Variants in KIF26B observed in about 807,000 individuals in gnomAD.
KIF26B encodes kinesin-like protein KIF26B.
A neutral mutation model predicts 151.2 loss-of-function variants in KIF26B; 63 were observed. That is an observed-to-expected ratio of 0.42 (90% CI 0.34 to 0.51). The LOEUF (loss-of-function observed/expected upper bound fraction) is 0.51, where lower values mean the gene tolerates loss of function less well. Among genes scored for constraint, KIF26B ranks in the 20% least tolerant of loss-of-function variants. The pLI is 0.07. For missense variants in KIF26B, 2,813 were observed against 2,913.6 expected (o/e 0.97, Z 0.79); for synonymous variants, 1,357 against 1,262.1 (o/e 1.08, Z -1.59).
intron 3 of KIF26B, among the ~76,000 whole-genome samples, chr1:245,407,349 C>T (rs868237214): frequency 5.9e-5 from 9 of 152,254 alleles, no homozygotes; most frequent in Middle Eastern, 3.4e-3. Flanking sequence ...CTGTGGCTGT[C>T]GCATCTCACA....
intron 12 of KIF26B, among the ~76,000 whole-genome samples, chr1:245,694,222 A>T (rs1464034807): frequency 1.3e-5 from 2 of 152,246 alleles, no homozygotes; most frequent in African/African-American, 4.8e-5. Flanking sequence ...CACAGCCAGC[A>T]TCGTTCTTCA....
At chr1:245,332,593 C>T (rs1403769190) in intron 2 of KIF26B, among the ~76,000 whole-genome samples, 2 of 152,170 alleles carry the variant, frequency 1.3e-5, no homozygotes, top group Admixed American at 1.3e-4. Context: ...CCCCCCACCA[C>T]TTACTCCCAC....
At chr1:245,347,147 C>T (rs1056093864) in intron 2 of KIF26B, among the ~76,000 whole-genome samples, 2 of 152,130 alleles carry the variant, frequency 1.3e-5, no homozygotes, top group African/African-American at 4.8e-5. Context: ...GGCTCGAGCA[C>T]CCTCTGGCAG....
chr1:245,435,951 G>A (rs1658919774), intron 4 of KIF26B, among the ~76,000 whole-genome samples: 1 of 152,238 alleles, frequency 6.6e-6, no homozygotes, highest in South Asian at 2.1e-4. Context: ...GGCCAAGGTG[G>A]GTGGATCACG....
At chr1:245,364,141 C>T (rs1672884591) in intron 2 of KIF26B, among the ~76,000 whole-genome samples, 1 of 152,174 alleles carries the variant, frequency 6.6e-6, no homozygotes, top group Non-Finnish European at 1.5e-5. Context: ...GACCCCCAGC[C>T]TGGGGCAACA....
intron 3 of KIF26B, among the ~76,000 whole-genome samples, chr1:245,414,309 C>G (rs944192724): frequency 6.6e-6 from 1 of 152,124 alleles, no homozygotes. Context: ...AATTCCAAAG[C>G]CAAGAGGAAA....
chr1:245,435,201 G>A (rs1464469576), intron 4 of KIF26B, among the ~76,000 whole-genome samples: 1 of 151,874 alleles, frequency 6.6e-6, no homozygotes, highest in African/African-American at 2.4e-5. Flanking sequence ...CAAGCATTTG[G>A]TAAGCTCATG....
intron 9 of KIF26B, among the ~76,000 whole-genome samples, chr1:245,644,493 A>G (rs550117435): frequency 6.6e-6 from 1 of 152,152 alleles, no homozygotes; most frequent in Non-Finnish European, 1.5e-5. Flanking sequence ...TATGGGTTTC[A>G]TTTTCCCGAG....
At chr1:245,518,181 AT>A (rs1661012776) in intron 4 of KIF26B, among the ~76,000 whole-genome samples, 1 of 152,110 alleles carries the variant, frequency 6.6e-6, no homozygotes, top group Non-Finnish European at 1.5e-5. Context: ...GTGTCATGTA[AT>A]TTTATTCATA....
chr1:245,175,904 ATATATC>A (rs151223228), intron 2 of KIF26B, among the ~76,000 whole-genome samples: 4,750 of 149,522 alleles, frequency 0.032, 251 homozygotes, highest in African/African-American at 0.11. Context: ...CTCAAAACAT[ATATATC>A]TATATCTATA....
intron 2 of KIF26B, among the ~76,000 whole-genome samples, chr1:245,276,385 C>G (rs942760018): frequency 6.6e-6 from 1 of 152,132 alleles, no homozygotes; most frequent in Non-Finnish European, 1.5e-5. Flanking sequence ...TGCTCCAACT[C>G]TTTTCCTCCC....
chr1:245,156,199 T>G, intron 1 of KIF26B, 83 bp from the exon 2 acceptor site: 1 of 1,485,614 alleles, frequency 6.7e-7, no homozygotes, highest in African/African-American at 1.4e-5. Flanking sequence ...GAGCGGGTAC[T>G]TGGTGGCGCA....
Position 245,687,953 on chromosome 1 carries a change from C to A in KIF26B, c.4970C>A (p.Ala1657Asp). ...AGCAGCAGCAGCAAGCTCTTCAGTG[C>A]CAAGCTGGAGCAGCTGGCCAGCAGA... is the stretch of plus-strand genomic sequence containing the variant. ...DASSSSKLFS[A>D]KLEQLASRSN... Residue 1657 changes from alanine (A) to aspartate (D), a missense_variant, in exon 12 of 15, where the codon GCC becomes GAC. Around this residue, in one of 3 missense-constraint regions of KIF26B, gnomAD observed 2,060 missense variants for 2,088.6 expected, o/e 0.99. Coordinates refer to ENST00000407071, the MANE Select transcript of KIF26B (RefSeq NM_018012.4). The surrounding 1 kb of genome is among the most constrained non-coding windows in gnomAD (Gnocchi z 4.9). 1.3e-6 allele frequency: 2 copies of A among 1,591,384 alleles called. No individual in the cohort carries two copies. The highest frequency in any genetic ancestry group is 2.3e-5 in the East Asian group (1 of 43,500).
chr1:245,537,070 G>T (rs959064846), intron 4 of KIF26B, among the ~76,000 whole-genome samples: 2 of 152,198 alleles, frequency 1.3e-5, no homozygotes, highest in Non-Finnish European at 2.9e-5. Context: ...AGTGCCTGTG[G>T]GAGACACATG....
chr1:245,261,806 T>C (rs374966126), intron 2 of KIF26B, among the ~76,000 whole-genome samples: 5 of 151,540 alleles, frequency 3.3e-5, no homozygotes, highest in African/African-American at 1.2e-4. Context: ...TGGCCTCAGA[T>C]TCCTGGGCTC....
intron 9 of KIF26B, among the ~76,000 whole-genome samples, chr1:245,640,143 C>CTCTCTCTCTCTCTCTATATATATATATA: frequency 2.5e-4 from 8 of 31,922 alleles, no homozygotes; most frequent in Admixed American, 6.9e-4. Flanking sequence ...CTCTCTCTCT[C>CTCTCTCTCTCTCTCTATATATATATATA]TATATATATA....
chr1:245,375,177 C>T lies in KIF26B; in HGVS notation c.999+7810C>T, dbSNP rs1203035589. 2.0e-5 allele frequency among the ~76,000 whole-genome samples: 3 copies of T among 152,196 alleles called. No individual in the cohort carries two copies. In the South Asian group the frequency reaches 6.2e-4, roughly 32 times the overall value. On this transcript the variant is annotated intron_variant, in intron 3 of 14. Transcript: ENST00000407071. The surrounding 1 kb of genome is among the most constrained non-coding windows in gnomAD (Gnocchi z 4.2). ...GCTTGGCTCACTGCAACCTCCACCT[C>T]CCAGGTTCAAGCGATTCTCCTGCCT... is the stretch of plus-strand genomic sequence containing the variant.
intron 2 of KIF26B, among the ~76,000 whole-genome samples, chr1:245,185,788 T>A (rs985691688): frequency 6.6e-6 from 1 of 152,108 alleles, no homozygotes; most frequent in East Asian, 1.9e-4. Context: ...CTTTGATGAG[T>A]CATGGGCTGA....
In KIF26B at chr1:245,218,337, A is replaced by G. The variant is rs1370184063; in HGVS notation, c.465+61654A>G. Among the ~76,000 whole-genome samples the G allele has an allele frequency of 6.6e-6, 1 of 151,736 alleles. No individual in the cohort carries two copies. Among genetic ancestry groups the G allele is most frequent in the Non-Finnish European group, 1.5e-5 (1 of 68,006 alleles). On this transcript the variant is annotated intron_variant, in intron 2 of 14. Transcript: ENST00000407071. The surrounding 1 kb of genome is among the most constrained non-coding windows in gnomAD (Gnocchi z 4.1). Reference sequence around the variant, plus strand: ...TAAGATAAACAGGGATAGTAGCAGCAGTTGTCACTCTGAGGGAGGGAAGGG... The same window carrying G: ...TAAGATAAACAGGGATAGTAGCAGCGGTTGTCACTCTGAGGGAGGGAAGGG...
Sources: allele counts gnomAD v4.1 joint callset (sites outside exome capture counted in the v4.1 genomes callset), GRCh38; gene constraint gnomAD v4.1.1; regional missense constraint gnomAD v4.1.1; non-coding constraint Gnocchi (gnomAD v3.1); transcripts MANE v1.5; gene names NCBI Gene and HGNC (gene_info 2026-07-23, HGNC 2026-07-21).